Variants in RSF1 observed in about 807,000 individuals in gnomAD.
RSF1 encodes the protein HBV pX-associated protein 8.
RSF1 carries 13 observed loss-of-function variants against 145.2 expected under a neutral mutation model. The observed-to-expected ratio is 0.09, with a 90% CI of 0.06 to 0.14. The LOEUF is 0.14. RSF1 is among the 10% of genes least tolerant of loss of function. RSF1 has a pLI of 1.00. For synonymous variants in RSF1, 577 were observed against 592.6 expected (o/e 0.97, Z 0.38); for missense variants, 1,517 against 1,718.2 (o/e 0.88, Z 2.07).
chr11:77,676,723 G>A, intron 13 of RSF1, 69 bp downstream of exon 13: 1 of 1,355,670 alleles, frequency 7.4e-7, no homozygotes, highest in South Asian at 1.4e-5. Flanking sequence ...GCATGGGCAA[G>A]CCTCTCTGCT....
chr11:77,866,642 C>G, the RSF1 span: 83 of 152,082 alleles, frequency 5.5e-4, no homozygotes, highest in African/African-American at 2.0e-3. Context: ...TCTCCTATGA[C>G]CTTACACTTG....
At chr11:77,867,835 T>C in the RSF1 span, among the ~76,000 whole-genome samples, 1 of 152,042 alleles carries the variant, frequency 6.6e-6, no homozygotes, top group Non-Finnish European at 1.5e-5. Flanking sequence ...CTTTTCAGAG[T>C]GATTGGTAGG....
At chr11:77,775,262 A>C (rs936553402) in intron 1 of RSF1, among the ~76,000 whole-genome samples, 1 of 151,566 alleles carries the variant, frequency 6.6e-6, no homozygotes, top group Admixed American at 6.6e-5. Context: ...AAAAAAAAAA[A>C]CCCAAAACAC....
At chr11:77,745,352 A>G (rs1322997582) in intron 3 of RSF1, among the ~76,000 whole-genome samples, 1 of 152,018 alleles carries the variant, frequency 6.6e-6, no homozygotes, top group Non-Finnish European at 1.5e-5. Flanking sequence ...CTTGCAGTGT[A>G]ACATTAGGTT....
At chr11:77,871,740 A>C in the RSF1 span, among the ~76,000 whole-genome samples, 1 of 152,240 alleles carries the variant, frequency 6.6e-6, no homozygotes, top group African/African-American at 2.4e-5. Context: ...GACTAACTCA[A>C]ACATTTAACA....
chr11:77,793,630 A>G (rs768804892), intron 1 of RSF1, among the ~76,000 whole-genome samples: 12 of 152,250 alleles, frequency 7.9e-5, no homozygotes, highest in Admixed American at 1.3e-4. Flanking sequence ...AGCTAAACAT[A>G]TATCAGATAT....
chr11:77,692,785 C>G (rs1243660142), intron 8 of RSF1, among the ~76,000 whole-genome samples: 2 of 151,478 alleles, frequency 1.3e-5, no homozygotes. Context: ...TCAATCGATT[C>G]TCCTGCCTCA....
chr11:77,741,610 G>A lies in RSF1; in HGVS notation c.373-674C>T, dbSNP rs1003223191. On this transcript the variant is annotated intron_variant, in intron 3 of 15. Transcript: ENST00000308488. ...CAAATAAAAATTGCATATATTTATG[G>A]TATACACCATGGTATTCTGATATAT... Among the ~76,000 whole-genome samples the A allele has an allele frequency of 9.2e-5, 14 of 151,862 alleles. No homozygotes were observed. The East Asian group carries it at 2.7e-3, about 29-fold the overall frequency.
Position 77,702,187 on chromosome 11 carries a change from G to A in RSF1, c.1042C>T (p.Pro348Ser). 2 of 1,613,958 alleles carry A rather than the reference G, an allele frequency of 1.2e-6. No homozygotes were observed. The highest frequency in any genetic ancestry group is 8.5e-7 in the Non-Finnish European group (1 of 1,179,972). The change falls in exon 6 of 16, where the codon CCT (proline) becomes TCT (serine). Residue 348 changes from proline to serine, a missense_variant. Transcript: ENST00000308488. The part of the protein sequence containing the change: ...SSMEKPVAQE[P>S]ERIEFGGNIK... ...TTGCCACCAAATTCGATCCTTTCAG[G>A]CTCCTGTGCCACTGGCTTCTCCATG... is the stretch of plus-strand genomic sequence containing the variant.
intron 4 of RSF1, among the ~76,000 whole-genome samples, chr11:77,732,497 GA>G (rs1961231806): frequency 6.6e-6 from 1 of 152,138 alleles, no homozygotes; most frequent in Non-Finnish European, 1.5e-5. Context: ...GGCCGGGGCA[GA>G]AAAATATGGT....
At chr11:77,868,758 C>T in the RSF1 span, 2 of 233,672 alleles carry the variant, frequency 8.6e-6, no homozygotes, top group South Asian at 8.0e-5. Flanking sequence ...ACTCAGGCTC[C>T]TTCCCACTGG....
chr11:77,691,958 T>C (rs928825450), intron 8 of RSF1, among the ~76,000 whole-genome samples: 2 of 152,222 alleles, frequency 1.3e-5, no homozygotes, highest in Non-Finnish European at 2.9e-5. Context: ...TGGCACAATC[T>C]TGGCTTACCG....
intron 2 of RSF1, among the ~76,000 whole-genome samples, chr11:77,753,219 C>G (rs1202633355): frequency 6.6e-6 from 1 of 152,190 alleles, no homozygotes; most frequent in Non-Finnish European, 1.5e-5. Flanking sequence ...CAAGAACACT[C>G]TCTTGGGGTC....
At chr11:77,818,985 A>G (rs1373617951) in intron 1 of RSF1, among the ~76,000 whole-genome samples, 1 of 152,184 alleles carries the variant, frequency 6.6e-6, no homozygotes, top group Non-Finnish European at 1.5e-5. Flanking sequence ...GACAGGTAAG[A>G]ACAGATTACT....
At chr11:77,734,311 G>A (rs1399677438) in intron 4 of RSF1, among the ~76,000 whole-genome samples, 1 of 151,006 alleles carries the variant, frequency 6.6e-6, no homozygotes, top group Non-Finnish European at 1.5e-5. Flanking sequence ...CTTTTTTTGG[G>A]GGGGGGTACC....
At chr11:77,694,488 C>T (rs979755747) in intron 7 of RSF1, among the ~76,000 whole-genome samples, 3 of 152,078 alleles carry the variant, frequency 2.0e-5, no homozygotes, top group African/African-American at 7.2e-5. Context: ...TTAAGAGGAC[C>T]AAGGTCTAAA....
chr11:77,819,166 C>T (rs1230404411), intron 1 of RSF1, among the ~76,000 whole-genome samples: 1 of 152,206 alleles, frequency 6.6e-6, no homozygotes, highest in Non-Finnish European at 1.5e-5. Context: ...AAGAGCGACC[C>T]TGCTTTCTTG....
At chr11:77,780,983 G>A (rs1948397686) in intron 1 of RSF1, among the ~76,000 whole-genome samples, 2 of 152,078 alleles carry the variant, frequency 1.3e-5, no homozygotes, top group African/African-American at 4.8e-5. Flanking sequence ...AACTCTTTTT[G>A]TCTGGCTTTT....
chr11:77,808,781 C>G (rs1286146402), intron 1 of RSF1, among the ~76,000 whole-genome samples: 2 of 104,562 alleles, frequency 1.9e-5, no homozygotes, highest in South Asian at 5.4e-4. Flanking sequence ...GATCCGCCCA[C>G]CTCGGCCTCC....
Sources: gnomAD v4.1 joint callset for allele counts (sites outside exome capture counted in the v4.1 genomes callset) on GRCh38, gnomAD v4.1.1 for gene constraint, MANE v1.5 for transcripts, NCBI Gene and HGNC (gene_info 2026-07-23, HGNC 2026-07-21) for gene names.